MTERF2: variants seen among roughly 807,000 people sequenced by gnomAD.
MTERF2 encodes mitochondrial transcription termination factor 2, also known as transcription termination factor 2, mitochondrial.
MTERF2 carries 23 observed loss-of-function variants against 29.2 expected under a neutral mutation model. The ratio of observed to expected loss-of-function variants is 0.79; its 90% CI spans 0.57 to 1.12. The LOEUF is 1.12. MTERF2 is among the 50% of genes most tolerant of loss of function. The pLI, the probability that MTERF2 is intolerant of heterozygous loss-of-function variation, is 0.00. For synonymous variants in MTERF2, 157 were observed against 159.5 expected (o/e 0.98, Z 0.12); for missense variants, 440 against 429.4 (o/e 1.02, Z -0.22).
At chr12:106,983,320 T>C (rs1430341233) in intron 2 of MTERF2, among the ~76,000 whole-genome samples, 1 of 152,170 alleles carries the variant, frequency 6.6e-6, no homozygotes, top group Non-Finnish European at 1.5e-5. Context: ...CATACCCTCT[T>C]CCCTCCAGAC....
Position 106,978,284 on chromosome 12 carries a change from T to G in MTERF2, c.431A>C (p.Lys144Thr), listed in dbSNP as rs1566231535. 2 of 1,614,096 alleles carry G rather than the reference T, an allele frequency of 1.2e-6. No homozygotes were observed. Among genetic ancestry groups the G allele is most frequent in the Non-Finnish European group, 1.7e-6 (2 of 1,180,016 alleles). Reference protein sequence around the residue: ...EQFPESFFTIKDQENQKLNVQ... With the variant: ...EQFPESFFTITDQENQKLNVQ... ...ATTCAGCTTCTGGTTCTCTTGGTCTTTAATAGTAAAGAAAGATTCTGGAAA... is the reference window on the plus strand; with the variant it reads ...ATTCAGCTTCTGGTTCTCTTGGTCTGTAATAGTAAAGAAAGATTCTGGAAA... The change falls in exon 3 of 3, where the codon AAA becomes ACA. Residue 144 changes from lysine to threonine, a missense_variant. By Grantham distance (78) the Lys-to-Thr change is moderately conservative (BLOSUM62 -1). Coordinates refer to ENST00000240050, the MANE Select transcript of MTERF2 (RefSeq NM_001033050.3).
In MTERF2 at chr12:106,978,645, G is replaced by A; in HGVS notation, c.70C>T (p.Pro24Ser). Residue 24 changes from proline (P) to serine (S), a missense_variant, in exon 3 of 3, where the codon CCA becomes TCA. Transcript: ENST00000240050. Reference protein sequence around the residue: ...LCSFRKMRSPPKYRPFLACFT... With the variant: ...LCSFRKMRSPSKYRPFLACFT... ...CATGCTAAGAAAGGTCTGTATTTTG[G>A]AGGTGATCGCATCTTTCTGAAAGAA... The A allele has an allele frequency of 6.2e-7, 1 of 1,614,146 alleles. No individual in the cohort carries two copies. Among genetic ancestry groups the A allele is most frequent in the Non-Finnish European group, 8.5e-7 (1 of 1,180,038 alleles).
chr12:106,982,863 T>A (rs985068339), intron 2 of MTERF2, among the ~76,000 whole-genome samples: 4 of 152,218 alleles, frequency 2.6e-5, no homozygotes, highest in African/African-American at 9.6e-5. Flanking sequence ...GTATGAGTGA[T>A]TCTCTCATCA....
intron 2 of MTERF2, among the ~76,000 whole-genome samples, chr12:106,982,358 A>C (rs1004902409): frequency 1.3e-5 from 2 of 152,246 alleles, no homozygotes; most frequent in Non-Finnish European, 2.9e-5. Context: ...TCTCTTATGC[A>C]GACACCACAC....
rs1249417514 is a variant in MTERF2, at chr12:106,978,502, TA to T, written c.212del (p.Leu71Ter). On this transcript the variant is annotated frameshift_variant, in exon 3 of 3. Transcript: ENST00000240050. LOFTEE classifies it high-confidence loss of function. ...TTTCTTCAACATAGGTTTCATCCTC[TA>T]AAAGTACCCATCCTTTTAATCTACG... Reference protein sequence around the residue: ...KIRRLKGWVLLEDETYVEEIA... With the variant: ...KIRRLKGWVLXEDETYVEEIA... 1.2e-6 allele frequency: 2 copies of T among 1,614,156 alleles called. No homozygotes were observed. The highest frequency in any genetic ancestry group is 1.3e-5 in the African/African-American group (1 of 74,960).
Position 106,986,998 on chromosome 12 carries a change from G to A in MTERF2, c.-198C>T, listed in dbSNP as rs1952126263. ...CGGCGTCAGCTCCAAGCAAGGCACA[G>A]GGAGTCCCGGGGGCCAGGCCCCGTC... On this transcript the variant is annotated 5_prime_UTR_variant, in exon 1 of 3. Coordinates refer to ENST00000240050, the MANE Select transcript of MTERF2 (RefSeq NM_001033050.3). 6.6e-6 allele frequency: 1 copy of A among 152,396 alleles called. No homozygotes were observed. Among genetic ancestry groups the A allele is most frequent in the Non-Finnish European group, 1.5e-5 (1 of 68,170 alleles). The allele number at this position is 152,396 out of a possible 1,614,324, so 9.4% of individuals were successfully genotyped here.
chr12:106,978,440 G>C lies in MTERF2; in HGVS notation c.275C>G (p.Thr92Ser). 1 of 1,614,234 alleles carries C rather than the reference G, an allele frequency of 6.2e-7. No individual in the cohort carries two copies. The highest frequency in any genetic ancestry group is 8.5e-7 in the Non-Finnish European group (1 of 1,180,038). Reference protein sequence around the residue: ...NILQELGADETAVASILERCP... With the variant: ...NILQELGADESAVASILERCP... ...GCGTTCCAAAATACTGGCTACAGCA[G>C]TCTCATCGGCACCTAGTTCTTGTAA... The change falls in exon 3 of 3, where the codon ACT (threonine) becomes AGT (serine). Residue 92 changes from threonine (T) to serine (S), a missense_variant. Physicochemically the swap from Thr to Ser is moderately conservative, Grantham distance 58. Transcript: ENST00000240050.
At chr12:106,984,589 A>AT (rs2136802041) in intron 2 of MTERF2, among the ~76,000 whole-genome samples, 1 of 152,276 alleles carries the variant, frequency 6.6e-6, no homozygotes, top group East Asian at 1.9e-4. Flanking sequence ...TGTAGCTCCC[A>AT]TAATTCCCTT....
chr12:106,979,960 CG>C (rs1262778426), intron 2 of MTERF2, among the ~76,000 whole-genome samples: 1 of 152,036 alleles, frequency 6.6e-6, no homozygotes, highest in African/African-American at 2.4e-5. Context: ...TGCAGTGGCG[CG>C]ATCTTGGCTC....
At chr12:106,986,919 G>C (rs1248396823) in intron 1 of MTERF2, 50 bp downstream of exon 1, 2 of 152,310 alleles carry the variant, frequency 1.3e-5, no homozygotes, top group Non-Finnish European at 2.9e-5. Flanking sequence ...GACCGCTGCG[G>C]CGCCGCTGGT....
chr12:106,979,868 C>T (rs1201144633), intron 2 of MTERF2, among the ~76,000 whole-genome samples: 1 of 152,080 alleles, frequency 6.6e-6, no homozygotes, highest in Admixed American at 6.6e-5. Flanking sequence ...ACATAAGATA[C>T]ATTAACAGGA....
intron 2 of MTERF2, among the ~76,000 whole-genome samples, chr12:106,979,454 T>C (rs142150302): frequency 6.6e-6 from 1 of 152,338 alleles, no homozygotes; most frequent in Non-Finnish European, 1.5e-5. Context: ...CAAAACTCCC[T>C]TTTATAAATC....
chr12:106,983,043 C>A (rs1406528637), intron 2 of MTERF2, among the ~76,000 whole-genome samples: 1 of 152,136 alleles, frequency 6.6e-6, no homozygotes, highest in African/African-American at 2.4e-5. Flanking sequence ...TAAAAATTGA[C>A]TTGTATAAAC....
At position 106,977,396 on chromosome 12, in the gene MTERF2, G is replaced by T; in HGVS notation, c.*161C>A. The T allele has an allele frequency of 4.2e-6, 2 of 471,996 alleles. No homozygotes were observed. Among genetic ancestry groups the T allele is most frequent in the Non-Finnish European group, 3.4e-6 (1 of 293,428 alleles). 29.2% of individuals were successfully genotyped at this position (471,996 alleles called of 1,614,324 possible). A position where few individuals can be genotyped will look rare whatever the true frequency, so the allele number is the denominator to read the frequency against. On this transcript the variant is annotated 3_prime_UTR_variant, in exon 3 of 3. Coordinates refer to ENST00000240050, the MANE Select transcript of MTERF2 (RefSeq NM_001033050.3). ...AAATATGATTTATATTTTATAATAT[G>T]GCACATGAGTCAGAATTTATCTATT...
intron 2 of MTERF2, among the ~76,000 whole-genome samples, chr12:106,982,820 G>T (rs970651266): frequency 6.6e-6 from 1 of 152,150 alleles, no homozygotes; most frequent in African/African-American, 2.4e-5. Context: ...TTCCTGTCAG[G>T]AAAAACTATC....
chr12:106,977,829 C>A lies in MTERF2; in HGVS notation c.886G>T (p.Val296Phe), dbSNP rs1448780908. ...LKCPALLYYS[V>F]PVLEERMQGL... ...TGCATTCTCTCTTCTAAAACTGGAA[C>A]AGAATAATATAAAAGGGCAGGACAT... Residue 296 changes from valine (V) to phenylalanine (F), a missense_variant, in exon 3 of 3, where the codon GTT becomes TTT. Val to Phe is a conservative substitution (Grantham distance 50). Transcript: ENST00000240050. The A allele has an allele frequency of 6.2e-7, 1 of 1,613,876 alleles. No individual in the cohort carries two copies. The highest frequency in any genetic ancestry group is 1.7e-5 in the Admixed American group (1 of 60,020).
At chr12:106,981,229 G>C (rs1225965808) in intron 2 of MTERF2, among the ~76,000 whole-genome samples, 1 of 152,180 alleles carries the variant, frequency 6.6e-6, no homozygotes, top group Admixed American at 6.5e-5. Flanking sequence ...GGGCACCCTT[G>C]GGTAAGTTAG....
chr12:106,984,007 T>G (rs1952081672), intron 2 of MTERF2, among the ~76,000 whole-genome samples: 1 of 152,190 alleles, frequency 6.6e-6, no homozygotes, highest in Non-Finnish European at 1.5e-5. Context: ...ACCAGTGCCC[T>G]TGCCTCCTAT....
Position 106,977,285 on chromosome 12 carries a change from TA to T in MTERF2, c.*271del, listed in dbSNP as rs1383129847. The T allele has an allele frequency of 1.9e-5, 5 of 266,166 alleles. No homozygotes were observed. The highest frequency in any genetic ancestry group is 1.1e-4 in the African/African-American group (5 of 44,802). The allele number at this position is 266,166 out of a possible 1,614,324, so 16.5% of individuals were successfully genotyped here. A position where few individuals can be genotyped will look rare whatever the true frequency, so the allele number is the denominator to read the frequency against. On this transcript the variant is annotated 3_prime_UTR_variant, in exon 3 of 3. Transcript: ENST00000240050. ...CCATTTCTTAGAAGTGATTCACTTATAAAGTATCACACTGATATGCCATTTA... is the reference window on the plus strand; with the variant it reads ...CCATTTCTTAGAAGTGATTCACTTATAAGTATCACACTGATATGCCATTTA...
Sources: allele counts gnomAD v4.1 joint callset (sites outside exome capture counted in the v4.1 genomes callset), GRCh38; gene constraint gnomAD v4.1.1; transcripts MANE v1.5; gene names NCBI Gene and HGNC (gene_info 2026-07-23, HGNC 2026-07-21).